Variants in CLASP1 observed in about 807,000 individuals in gnomAD.
CLASP1 encodes the protein cytoplasmic linker associated protein 1, also known as CLIP-associating protein 1.
A neutral mutation model predicts 192.3 loss-of-function variants in CLASP1; 38 were observed. The observed-to-expected ratio is 0.20, with a 90% CI of 0.15 to 0.26. The LOEUF (loss-of-function observed/expected upper bound fraction) is 0.26. Ranked by LOEUF, CLASP1 falls within the 10% of genes least tolerant of loss-of-function variation. The pLI is 1.00. For missense variants in CLASP1, 1,433 were observed against 1,932.5 expected (o/e 0.74, Z 4.85); for synonymous variants, 691 against 712.8 (o/e 0.97, Z 0.49).
intron 2 of CLASP1, among the ~76,000 whole-genome samples, chr2:121,551,876 A>G (rs547842803): frequency 1.3e-5 from 2 of 152,230 alleles, no homozygotes; most frequent in East Asian, 3.8e-4. Flanking sequence ...AACCAGAAAA[A>G]AAGCCCAAAT....
chr2:121,404,525 G>A lies in CLASP1; in HGVS notation c.2670-91C>T, dbSNP rs2076630050. 11 of 1,145,142 alleles carry A rather than the reference G, an allele frequency of 9.6e-6. No homozygotes were observed. The South Asian group carries it at 1.5e-4, about 16-fold the overall frequency. 70.9% of individuals were successfully genotyped at this position (1,145,142 alleles called of 1,614,324 possible). A position where few individuals can be genotyped will look rare whatever the true frequency, so the allele number is the denominator to read the frequency against. On this transcript the variant is annotated intron_variant, in intron 25 of 39. Coordinates refer to ENST00000263710, the Ensembl canonical transcript of CLASP1. ...TCTATTACCCAGGCTAGAGTGCAGT[G>A]GTGCGATCATAGCTCACTACAGCCT...
intron 14 of CLASP1, among the ~76,000 whole-genome samples, chr2:121,457,458 T>TAC (rs112547655): frequency 0.17 from 23,680 of 143,366 alleles, 2,366 homozygotes; most frequent in African/African-American, 0.29. Context: ...CACACAGACA[T>TAC]ACACACACAC....
intron 22 of CLASP1, among the ~76,000 whole-genome samples, chr2:121,421,224 T>TA (rs1262848937): frequency 1.3e-5 from 2 of 152,202 alleles, no homozygotes; most frequent in African/African-American, 4.8e-5. Flanking sequence ...AAGACTAATC[T>TA]AAAAGAAGGA....
intron 1 of CLASP1, among the ~76,000 whole-genome samples, chr2:121,612,381 G>A (rs2065759108): frequency 6.6e-6 from 1 of 151,744 alleles, no homozygotes; most frequent in Non-Finnish European, 1.5e-5. Context: ...AGGAACTGGA[G>A]AAGGAGAAAT....
chr2:121,640,726 TA>T (rs1318745057), intron 1 of CLASP1, among the ~76,000 whole-genome samples: 2 of 152,134 alleles, frequency 1.3e-5, no homozygotes, highest in Non-Finnish European at 2.9e-5. Context: ...CTGAAGATTT[TA>T]AAAGCCAAAT....
intron 2 of CLASP1, chr2:121,532,820 T>C (rs1367536606): frequency 2.6e-5 from 4 of 152,204 alleles, no homozygotes; most frequent in Non-Finnish European, 4.4e-5. Context: ...TTAATTGTAA[T>C]AAACCACATT....
chr2:121,579,852 G>A (rs957450892), intron 2 of CLASP1, among the ~76,000 whole-genome samples: 1 of 152,102 alleles, frequency 6.6e-6, no homozygotes, highest in African/African-American at 2.4e-5. Context: ...AAAATCTGCA[G>A]CAATTACCAC....
intron 23 of CLASP1, among the ~76,000 whole-genome samples, chr2:121,413,386 T>C (rs1368045251): frequency 6.6e-6 from 1 of 152,206 alleles, no homozygotes; most frequent in East Asian, 1.9e-4. Flanking sequence ...TGAAAATTCA[T>C]AGATTATGCC....
At chr2:121,382,520 G>T (rs1316284898) in intron 32 of CLASP1, among the ~76,000 whole-genome samples, 196 bp from the exon 34 acceptor site, 1 of 152,182 alleles carries the variant, frequency 6.6e-6, no homozygotes, top group African/African-American at 2.4e-5. Context: ...GGTCCTCGAT[G>T]AGACTGCTTT....
At chr2:121,467,994 AT>A (rs2089978516) in intron 9 of CLASP1, among the ~76,000 whole-genome samples, 1 of 152,014 alleles carries the variant, frequency 6.6e-6, no homozygotes, top group South Asian at 2.1e-4. Context: ...TCCAGTTTCA[AT>A]TTTCTGCATA....
At chr2:121,505,690 T>C (rs921043554) in intron 7 of CLASP1, among the ~76,000 whole-genome samples, 37 of 152,222 alleles carry the variant, frequency 2.4e-4, no homozygotes, top group African/African-American at 8.4e-4. Context: ...CTAAATTGTT[T>C]TATTTTAAAT....
At chr2:121,516,389 G>C (rs989055659) in intron 6 of CLASP1, among the ~76,000 whole-genome samples, 3 of 152,218 alleles carry the variant, frequency 2.0e-5, no homozygotes, top group Non-Finnish European at 4.4e-5. Flanking sequence ...GAAGTGCTTG[G>C]AACAGCAGGA....
In CLASP1 at chr2:121,581,298, C is replaced by T. The variant is rs1458026216; in HGVS notation, c.195+24403G>A. ...TTTTTTTTTTTTTGAGATGGAGTCT[C>T]GCTCTGTCGCCCAGGCCGGACTGCG... On this transcript the variant is annotated intron_variant, in intron 2 of 39. Coordinates refer to ENST00000263710, the Ensembl canonical transcript of CLASP1. 1.2e-4 allele frequency among the ~76,000 whole-genome samples: 14 copies of T among 113,878 alleles called. No homozygotes were observed. The East Asian group carries it at 2.3e-3, about 18-fold the overall frequency. The allele number at this position is 113,878 out of a possible 152,430, so 74.7% of individuals were successfully genotyped here.
chr2:121,390,900 C>A (rs1300598075), intron 30 of CLASP1, among the ~76,000 whole-genome samples: 1 of 152,118 alleles, frequency 6.6e-6, no homozygotes, highest in Non-Finnish European at 1.5e-5. Context: ...AATCACCGTG[C>A]ACTGCAGCCT....
At chr2:121,462,015 A>T (rs545135663) in intron 10 of CLASP1, among the ~76,000 whole-genome samples, 1 of 152,268 alleles carries the variant, frequency 6.6e-6, no homozygotes, top group South Asian at 2.1e-4. Context: ...GCTGAGGAAA[A>T]GTATTAGTCT....
At chr2:121,464,356 T>C (rs2088956304) in intron 9 of CLASP1, among the ~76,000 whole-genome samples, 1 of 152,258 alleles carries the variant, frequency 6.6e-6, no homozygotes, top group African/African-American at 2.4e-5. Flanking sequence ...TTTGGGTATA[T>C]ACCCAGTAAT....
At chr2:121,514,275 C>A (rs1426032538) in intron 7 of CLASP1, among the ~76,000 whole-genome samples, 1 of 152,226 alleles carries the variant, frequency 6.6e-6, no homozygotes, top group Non-Finnish European at 1.5e-5. Flanking sequence ...TGGCATGAGG[C>A]CATCCCTGCA....
intron 22 of CLASP1, among the ~76,000 whole-genome samples, chr2:121,419,861 G>C (rs935695021): frequency 6.6e-6 from 1 of 152,140 alleles, no homozygotes; most frequent in African/African-American, 2.4e-5. Context: ...AGACATTTTA[G>C]AAACAATCAA....
chr2:121,527,947 A>T (rs560643114), intron 4 of CLASP1, 57 bp from the exon 5 acceptor site: 2 of 1,395,658 alleles, frequency 1.4e-6, no homozygotes, highest in South Asian at 2.3e-5. Flanking sequence ...CTGACACTTT[A>T]TAAGGGAGCA....
Sources: allele counts gnomAD v4.1 joint callset (sites outside exome capture counted in the v4.1 genomes callset), GRCh38; gene constraint gnomAD v4.1.1; transcripts MANE v1.5; gene names NCBI Gene and HGNC (gene_info 2026-07-23, HGNC 2026-07-21).